Variants in MICU3 observed in about 807,000 individuals in gnomAD.
MICU3 encodes the protein mitochondrial calcium uptake 3.
A neutral mutation model predicts 66.5 loss-of-function variants in MICU3; 62 were observed. The ratio of observed to expected loss-of-function variants is 0.93; its 90% CI spans 0.76 to 1.15. The LOEUF (loss-of-function observed/expected upper bound fraction) is 1.15, where lower values mean the gene tolerates loss of function less well. Ranked by LOEUF, MICU3 falls within the 50% of genes most tolerant of loss-of-function variation. MICU3 has a pLI of 0.00. For synonymous variants in MICU3, 308 were observed against 240.7 expected (o/e 1.28, Z -2.59); for missense variants, 779 against 664.4 (o/e 1.17, Z -1.90).
chr8:17,053,621 T>A (rs1156395389), intron 1 of MICU3, among the ~76,000 whole-genome samples: 1 of 152,194 alleles, frequency 6.6e-6, no homozygotes, highest in Non-Finnish European at 1.5e-5. Flanking sequence ...TTGTCATTTT[T>A]TAAGCTTCTC....
In MICU3 at chr8:17,098,328, AAAAC is replaced by A. The variant is rs1361068248; in HGVS notation, c.889-118_889-115del. ...AATACTGTGGTGCACAGCAGAAAACAAAACAAACAAACAAAAAAAGGTAAGCTAA... is the reference window on the plus strand; with the variant it reads ...AATACTGTGGTGCACAGCAGAAAACAAAACAAACAAAAAAAGGTAAGCTAA... On this transcript the variant is annotated intron_variant, in intron 8 of 14. Coordinates refer to ENST00000318063, the MANE Select transcript of MICU3 (RefSeq NM_181723.3). 37 of 529,962 alleles carry A rather than the reference AAAAC, an allele frequency of 7.0e-5. No homozygotes were observed. The East Asian group carries it at 7.4e-4, about 11-fold the overall frequency. The allele number at this position is 529,962 out of a possible 1,614,324, so 32.8% of individuals were successfully genotyped here.
intron 12 of MICU3, 25 bp from the exon 13 acceptor site, chr8:17,116,418 C>A (rs373727747): frequency 1.2e-4 from 159 of 1,371,636 alleles, no homozygotes; most frequent in Non-Finnish European, 1.5e-4. Flanking sequence ...ACAGTCTATT[C>A]TTTTTCTATG....
intron 2 of MICU3, among the ~76,000 whole-genome samples, chr8:17,066,697 C>T (rs1818772761): frequency 6.6e-6 from 1 of 151,276 alleles, no homozygotes; most frequent in African/African-American, 2.4e-5. Context: ...CACATGCCAC[C>T]ATGCCACCAG....
chr8:17,043,064 C>G (rs993503185), intron 1 of MICU3, among the ~76,000 whole-genome samples: 1 of 150,690 alleles, frequency 6.6e-6, no homozygotes, highest in Non-Finnish European at 1.5e-5. Flanking sequence ...CTCAGCCTCC[C>G]GAGTAGCTGG....
chr8:17,051,922 G>A lies in MICU3; in HGVS notation c.382-12162G>A, dbSNP rs78546242. 8.3e-3 allele frequency among the ~76,000 whole-genome samples: 1,265 copies of A among 152,226 alleles called. 9 individuals carry two copies. The highest frequency in any genetic ancestry group is 0.014 in the Non-Finnish European group (975 of 67,996). On this transcript the variant is annotated intron_variant, in intron 1 of 14. Coordinates refer to ENST00000318063, the MANE Select transcript of MICU3 (RefSeq NM_181723.3). Reference sequence around the variant, plus strand: ...GAGGGACAGGGCACTTTCTAAGGTGGGAGGAATAGCACCGTGCGTTATGCT... The same window carrying A: ...GAGGGACAGGGCACTTTCTAAGGTGAGAGGAATAGCACCGTGCGTTATGCT...
At chr8:17,060,735 G>A (rs1189194121) in intron 1 of MICU3, among the ~76,000 whole-genome samples, 4 of 152,026 alleles carry the variant, frequency 2.6e-5, no homozygotes, top group Non-Finnish European at 5.9e-5. Context: ...GGTGGTACTG[G>A]GAAGCCCTTT....
At chr8:17,081,870 G>A in intron 5 of MICU3, 130 bp downstream of exon 5, 1 of 569,922 alleles carries the variant, frequency 1.8e-6, no homozygotes, top group Non-Finnish European at 3.2e-6. Flanking sequence ...CATGTTTAAT[G>A]CTACAGAAAA....
chr8:17,079,546 T>C (rs531139240), intron 4 of MICU3, among the ~76,000 whole-genome samples: 1 of 152,226 alleles, frequency 6.6e-6, no homozygotes, highest in Non-Finnish European at 1.5e-5. Context: ...TTTTGTTTTA[T>C]TTTATTTATT....
rs145725334 is a variant in MICU3, at chr8:17,033,366, G to C, written c.381+5706G>C. Among the ~76,000 whole-genome samples, 9 of 152,250 alleles carry C rather than the reference G, an allele frequency of 5.9e-5. No homozygotes were observed. In the East Asian group the frequency reaches 1.7e-3, roughly 29 times the overall value. ...CTGCTGAGATGGAGCAAGTTTTAGT[G>C]GTCTATGTAGAAGACCAAACCACAA... On this transcript the variant is annotated intron_variant, in intron 1 of 14. Coordinates refer to ENST00000318063, the MANE Select transcript of MICU3 (RefSeq NM_181723.3).
At chr8:17,077,136 AG>A (rs1378899632) in intron 3 of MICU3, among the ~76,000 whole-genome samples, 1 of 152,240 alleles carries the variant, frequency 6.6e-6, no homozygotes, top group Non-Finnish European at 1.5e-5. Flanking sequence ...TTTTTAAAAA[AG>A]AAAAAGCTAA....
intron 1 of MICU3, among the ~76,000 whole-genome samples, chr8:17,044,177 T>A (rs984070948): frequency 1.3e-5 from 2 of 152,158 alleles, no homozygotes; most frequent in Non-Finnish European, 2.9e-5. Context: ...GGTTGAACAT[T>A]GATGTTCAGT....
At chr8:17,096,504 G>A (rs971463147) in intron 8 of MICU3, among the ~76,000 whole-genome samples, 14 of 151,830 alleles carry the variant, frequency 9.2e-5, no homozygotes, top group African/African-American at 3.4e-4. Context: ...CAGTGAGTGT[G>A]CCAGGCATAT....
chr8:17,112,855 GT>G (rs544785616), intron 11 of MICU3, among the ~76,000 whole-genome samples: 3 of 152,254 alleles, frequency 2.0e-5, no homozygotes, highest in South Asian at 2.1e-4. Context: ...GCAGTGACTA[GT>G]TTTTTTGGCA....
chr8:17,085,429 C>G (rs1296372177), intron 6 of MICU3, 111 bp downstream of exon 6: 2 of 586,556 alleles, frequency 3.4e-6, no homozygotes, highest in Non-Finnish European at 5.9e-6. Context: ...GAAAAACTTA[C>G]GCTTTTGCCT....
At chr8:17,063,090 A>C (rs1303236451) in intron 1 of MICU3, among the ~76,000 whole-genome samples, 1 of 152,180 alleles carries the variant, frequency 6.6e-6, no homozygotes, top group African/African-American at 2.4e-5. Context: ...TGACACAGGA[A>C]AATGGCCCCG....
the MICU3 span, chr8:17,131,758 G>A: frequency 6.6e-6 from 1 of 152,260 alleles, no homozygotes; most frequent in African/African-American, 2.4e-5. Context: ...ACCAGGAAAG[G>A]AAAATCCCTT....
chr8:17,125,173 A>T (rs1046347393), downstream of MICU3, among the ~76,000 whole-genome samples: 3 of 127,236 alleles, frequency 2.4e-5, no homozygotes, highest in Non-Finnish European at 1.7e-5. Flanking sequence ...TCCACTGTTC[A>T]TGTCTTTGTC....
At chr8:17,036,808 G>A (rs570503678) in intron 1 of MICU3, among the ~76,000 whole-genome samples, 29 of 152,192 alleles carry the variant, frequency 1.9e-4, no homozygotes, top group Non-Finnish European at 2.6e-4. Context: ...GTCCCGCGCC[G>A]TGCGCTCGCA....
intron 11 of MICU3, 109 bp from the exon 12 acceptor site, chr8:17,113,984 T>TA (rs1211274773): frequency 1.8e-5 from 11 of 627,882 alleles, no homozygotes; most frequent in Non-Finnish European, 2.9e-5. Context: ...AATGTTTACT[T>TA]ACAAGATACA....
Sources: gnomAD v4.1 joint callset for allele counts (sites outside exome capture counted in the v4.1 genomes callset) on GRCh38, gnomAD v4.1.1 for gene constraint, MANE v1.5 for transcripts, NCBI Gene and HGNC (gene_info 2026-07-23, HGNC 2026-07-21) for gene names.